LIFR: variants seen among roughly 807,000 people sequenced by gnomAD.
The protein encoded by LIFR is leukemia inhibitory factor receptor.
Under a neutral mutation model 122.2 loss-of-function variants are expected in LIFR, and 84 were observed. The observed-to-expected ratio is 0.69, with a 90% CI of 0.58 to 0.82. LIFR has a LOEUF of 0.82. Ranked by LOEUF, LIFR falls within the 40% of genes least tolerant of loss-of-function variation. The pLI, the probability that LIFR is intolerant of heterozygous loss-of-function variation, is 0.00. For synonymous variants in LIFR, 422 were observed against 434.7 expected (o/e 0.97, Z 0.36); for missense variants, 1,294 against 1,311.6 (o/e 0.99, Z 0.21).
At chr5:38,568,730 T>C (rs1429442430) in intron 1 of LIFR, among the ~76,000 whole-genome samples, 1 of 152,096 alleles carries the variant, frequency 6.6e-6, no homozygotes, top group East Asian at 1.9e-4. Flanking sequence ...CAACTGGGGG[T>C]TTTGTTTTTA....
intron 4 of LIFR, among the ~76,000 whole-genome samples, chr5:38,525,969 A>G (rs1325005282): frequency 6.6e-6 from 1 of 152,212 alleles, no homozygotes; most frequent in African/African-American, 2.4e-5. Context: ...TACTCTTAAA[A>G]ATACAAGTAA....
chr5:38,570,801 CA>C (rs1029530198), intron 1 of LIFR, among the ~76,000 whole-genome samples: 1 of 151,932 alleles, frequency 6.6e-6, no homozygotes, highest in African/African-American at 2.4e-5. Flanking sequence ...CTCCACAGAA[CA>C]AAAAAAGAAC....
intron 1 of LIFR, among the ~76,000 whole-genome samples, chr5:38,578,315 C>A (rs1412263738): frequency 6.9e-6 from 1 of 145,856 alleles, no homozygotes; most frequent in African/African-American, 2.5e-5. Flanking sequence ...CAAGTGATTC[C>A]CCTGCCTCAG....
intron 1 of LIFR, among the ~76,000 whole-genome samples, chr5:38,553,649 TATATATATATATATATATATATA>T (rs1748349670): frequency 2.3e-4 from 23 of 100,098 alleles, no homozygotes; most frequent in African/African-American, 9.9e-4. Context: ...TATATATATA[TATATATATATATATATATATATA>T]TTATATGTAT....
In LIFR at chr5:38,477,834, A is replaced by G; in HGVS notation, c.*3761T>C. The stretch of plus-strand genomic sequence containing the variant: ...TAGTCTTTGTAGCTAATAATCCCAC[A>G]TTTTACTCTGAGATGCCCAATTTTA... On this transcript the variant is annotated 3_prime_UTR_variant, in exon 20 of 20. Transcript: ENST00000453190. 4.6e-6 allele frequency: 1 copy of G among 216,990 alleles called. No homozygotes were observed. The allele number at this position is 216,990 out of a possible 1,614,324, so 13.4% of individuals were successfully genotyped here.
chr5:38,592,621 C>T (rs1307809136), intron 1 of LIFR, among the ~76,000 whole-genome samples: 7 of 144,498 alleles, frequency 4.8e-5, no homozygotes, highest in African/African-American at 1.3e-4. Flanking sequence ...TGCGCCACTG[C>T]GCTCCAGCCT....
At chr5:38,508,141 A>T (rs1745597164) in intron 7 of LIFR, among the ~76,000 whole-genome samples, 1 of 152,166 alleles carries the variant, frequency 6.6e-6, no homozygotes, top group South Asian at 2.1e-4. Flanking sequence ...GAAGGGGAAA[A>T]ATTTGAGAGG....
chr5:38,496,323 T>C, intron 13 of LIFR, 59 bp downstream of exon 13: 1 of 1,304,458 alleles, frequency 7.7e-7, no homozygotes, highest in Middle Eastern at 1.8e-4. Flanking sequence ...GCAAGTAACA[T>C]CAGACATTTC....
upstream of LIFR, among the ~76,000 whole-genome samples, chr5:38,598,235 TTA>T (rs1561235476): frequency 0.03 from 927 of 31,324 alleles, 53 homozygotes; most frequent in African/African-American, 0.095. Flanking sequence ...TTTTTTTTAT[TTA>T]TTTATTTATT....
intron 1 of LIFR, among the ~76,000 whole-genome samples, chr5:38,566,521 AG>A (rs1297627538): frequency 6.6e-6 from 1 of 152,188 alleles, no homozygotes; most frequent in Non-Finnish European, 1.5e-5. Flanking sequence ...TATTTTCCAA[AG>A]GCATTGAGAA....
At position 38,477,012 on chromosome 5, in the gene LIFR, T is replaced by C; in HGVS notation, c.*4583A>G. ...GGATCTGGATATATTCTAGACCAAATCACACTCCCTGAAACATTACCATGT... is the reference window on the plus strand; with the variant it reads ...GGATCTGGATATATTCTAGACCAAACCACACTCCCTGAAACATTACCATGT... On this transcript the variant is annotated 3_prime_UTR_variant, in exon 20 of 20. Transcript: ENST00000453190. The C allele has an allele frequency of 4.5e-6, 1 of 224,276 alleles. No homozygotes were observed. The highest frequency in any genetic ancestry group is 8.9e-6 in the Non-Finnish European group (1 of 112,510). 13.9% of individuals were successfully genotyped at this position (224,276 alleles called of 1,614,324 possible).
upstream of LIFR, chr5:38,557,815 T>G (rs1411719147): frequency 2.0e-5 from 3 of 152,362 alleles, no homozygotes; most frequent in Non-Finnish European, 4.4e-5. Context: ...ACGGTCGCTA[T>G]TAGCGTCCTA....
intron 1 of LIFR, among the ~76,000 whole-genome samples, chr5:38,583,171 A>G (rs969466397): frequency 1.3e-5 from 2 of 152,198 alleles, no homozygotes; most frequent in Admixed American, 1.3e-4. Context: ...TGAAGGCCAA[A>G]ATTATGAGTT....
intron 5 of LIFR, among the ~76,000 whole-genome samples, chr5:38,517,080 T>A (rs1035788694): frequency 6.6e-6 from 1 of 151,980 alleles, no homozygotes; most frequent in African/African-American, 2.4e-5. Flanking sequence ...AGGGAAAGGA[T>A]AGCATTAGGA....
At chr5:38,581,547 A>G (rs1180273535) in intron 1 of LIFR, among the ~76,000 whole-genome samples, 2 of 152,138 alleles carry the variant, frequency 1.3e-5, no homozygotes, top group East Asian at 1.9e-4. Context: ...AGCAAGGTCT[A>G]TTTCTTGCTT....
chr5:38,519,496 T>C (rs1439090850), intron 5 of LIFR, among the ~76,000 whole-genome samples: 16 of 152,176 alleles, frequency 1.1e-4, no homozygotes, highest in Admixed American at 1.0e-3. Flanking sequence ...CCTTGAAATA[T>C]ATAATACATG....
upstream of LIFR, chr5:38,556,707 G>A (rs1454365627): frequency 3.0e-5 from 4 of 132,472 alleles, no homozygotes; most frequent in Admixed American, 2.2e-4. Flanking sequence ...GCCCGGCCCC[G>A]CCCCTGACCC....
chr5:38,582,885 A>C (rs886402153), intron 1 of LIFR, among the ~76,000 whole-genome samples: 2 of 152,234 alleles, frequency 1.3e-5, no homozygotes, highest in Non-Finnish European at 2.9e-5. Flanking sequence ...GCTATTCATC[A>C]GGCATTGCCT....
chr5:38,541,909 A>G (rs952356296), intron 1 of LIFR, among the ~76,000 whole-genome samples: 2 of 152,218 alleles, frequency 1.3e-5, no homozygotes. Context: ...ACCACAAAAA[A>G]AGGTTAATAA....
Sources: allele counts gnomAD v4.1 joint callset (sites outside exome capture counted in the v4.1 genomes callset), GRCh38; gene constraint gnomAD v4.1.1; transcripts MANE v1.5; gene names NCBI Gene and HGNC (gene_info 2026-07-23, HGNC 2026-07-21).